Variants in TSKU observed in about 807,000 individuals in gnomAD.
TSKU encodes tsukushi.
TSKU carries 4 observed loss-of-function variants against 11.2 expected under a neutral mutation model. The observed-to-expected ratio is 0.36, with a 90% CI of 0.18 to 0.82. TSKU has a LOEUF of 0.82. Among genes scored for constraint, TSKU ranks in the 40% least tolerant of loss-of-function variants. TSKU has a pLI of 0.50. For missense variants in TSKU, 407 were observed against 482.5 expected (o/e 0.84, Z 1.47); for synonymous variants, 220 against 232.2 (o/e 0.95, Z 0.48).
chr11:76,783,595 C>T (rs184838655), intron 1 of TSKU, among the ~76,000 whole-genome samples, 191 bp downstream of exon 1: 205 of 152,220 alleles, frequency 1.3e-3, no homozygotes, highest in African/African-American at 4.8e-3. Context: ...GAACGCCGAC[C>T]CAGGGGAGAG....
intron 1 of TSKU, chr11:76,784,462 T>TA (rs1283220471): frequency 6.6e-6 from 1 of 152,344 alleles, no homozygotes; most frequent in African/African-American, 2.4e-5. Context: ...GAGCCTCACA[T>TA]ACACAGGTTT....
Position 76,798,030 on chromosome 11 carries a change from C to T in TSKU, c.*1352C>T, listed in dbSNP as rs533724031. ...AGCTGGGCATCAGTGGCCACATGGG[C>T]ATCAGGGGCTGGCCCCACAGAGACC... is the stretch of plus-strand genomic sequence containing the variant. On this transcript the variant is annotated 3_prime_UTR_variant, in exon 2 of 2. Transcript: ENST00000333090. 1.2e-5 allele frequency: 2 copies of T among 167,374 alleles called. No individual in the cohort carries two copies. The highest frequency in any genetic ancestry group is 2.1e-4 in the South Asian group (1 of 4,838). The allele number at this position is 167,374 out of a possible 1,614,324, so 10.4% of individuals were successfully genotyped here.
At chr11:76,790,349 G>A (rs1590818210) in intron 1 of TSKU, among the ~76,000 whole-genome samples, 2 of 152,190 alleles carry the variant, frequency 1.3e-5, no homozygotes, top group South Asian at 4.1e-4. Context: ...GGGGAGGGAA[G>A]TAGTCGGTGA....
At position 76,796,976 on chromosome 11, in the gene TSKU, T is replaced by G; in HGVS notation, c.*298T>G. 4.3e-6 allele frequency: 1 copy of G among 231,366 alleles called. No homozygotes were observed. Among genetic ancestry groups the G allele is most frequent in the Non-Finnish European group, 9.1e-6 (1 of 110,278 alleles). 14.3% of individuals were successfully genotyped at this position (231,366 alleles called of 1,614,324 possible). ...CCACTTATCCCCCAAGTGCCTTCCC[T>G]CATGCCTGGGCCGGCCTGACCCGCA... On this transcript the variant is annotated 3_prime_UTR_variant, in exon 2 of 2. Coordinates refer to ENST00000333090, the MANE Select transcript of TSKU (RefSeq NM_015516.4). The surrounding 1 kb of genome is among the most constrained non-coding windows in gnomAD (Gnocchi z 4.1).
chr11:76,787,730 C>A (rs140156101), intron 1 of TSKU, among the ~76,000 whole-genome samples: 1 of 152,094 alleles, frequency 6.6e-6, no homozygotes, highest in Non-Finnish European at 1.5e-5. Flanking sequence ...GCATCCCTGC[C>A]CACAGTAGGA....
rs764092246 is a variant in TSKU, at chr11:76,796,132, C to T, written c.516C>T (p.Leu172=). The change falls in exon 2 of 2, where the codon CTC becomes CTT. Residue 172 remains leucine, a synonymous_variant. Coordinates refer to ENST00000333090, the MANE Select transcript of TSKU (RefSeq NM_015516.4). The surrounding 1 kb of genome is among the most constrained non-coding windows in gnomAD (Gnocchi z 4.1). ...TCTCCCACAACCTCATTCACCGCCT[C>T]GTGCCCCACCCCACGAGGGCCGGCC... ...VDLSHNLIHR[L]VPHPTRAGLP... 1.1e-5 allele frequency: 18 copies of T among 1,613,828 alleles called. No homozygotes were observed. The highest frequency in any genetic ancestry group is 2.2e-5 in the East Asian group (1 of 44,878).
chr11:76,782,779 G>A (rs1247065737), upstream of TSKU: 2 of 151,932 alleles, frequency 1.3e-5, no homozygotes, highest in African/African-American at 4.8e-5. Flanking sequence ...CTTCTCTGTG[G>A]GTTCGTCTTT....
rs1944463690 is a variant in TSKU, at chr11:76,797,038, C to T, written c.*360C>T. 1 of 202,884 alleles carries T rather than the reference C, an allele frequency of 4.9e-6. No individual in the cohort carries two copies. The highest frequency in any genetic ancestry group is 1.1e-5 in the Non-Finnish European group (1 of 92,196). 12.6% of individuals were successfully genotyped at this position (202,884 alleles called of 1,614,324 possible). ...GTGGGTGGGACCCCCTGCTGCAGGG[C>T]AGAGTTCAGGTCCACTGGGCTGAGT... On this transcript the variant is annotated 3_prime_UTR_variant, in exon 2 of 2. Transcript: ENST00000333090.
intron 1 of TSKU, among the ~76,000 whole-genome samples, chr11:76,784,705 C>T (rs1231708988): frequency 7.7e-6 from 1 of 129,550 alleles, no homozygotes; most frequent in Admixed American, 9.6e-5. Flanking sequence ...CCCTGCCCTT[C>T]GGATAAGTCT....
chr11:76,788,239 T>G (rs1944330884), intron 1 of TSKU, among the ~76,000 whole-genome samples: 1 of 151,552 alleles, frequency 6.6e-6, no homozygotes, highest in Non-Finnish European at 1.5e-5. Context: ...TCGGGGGTGC[T>G]GGGGCCCTGT....
In TSKU at chr11:76,797,168, C is replaced by G. The variant is rs80231946; in HGVS notation, c.*490C>G. 10,280 of 167,894 alleles carry G rather than the reference C, an allele frequency of 0.061. 546 individuals are homozygous for G. Among genetic ancestry groups the G allele is most frequent in the African/African-American group, 0.16 (6,507 of 41,556 alleles). 10.4% of individuals were successfully genotyped at this position (167,894 alleles called of 1,614,324 possible). On this transcript the variant is annotated 3_prime_UTR_variant, in exon 2 of 2. Transcript: ENST00000333090. ...AGGCCCGCTTCATCCTTTTCTATTT[C>G]CCTAGAACCTTAATGGTAGAAGGAA...
At position 76,795,582 on chromosome 11, in the gene TSKU, A is replaced by T. The variant is rs763746417; in HGVS notation, c.-8-27A>T. The T allele has an allele frequency of 3.1e-6, 5 of 1,593,936 alleles. No homozygotes were observed. The South Asian group carries it at 5.6e-5, about 18-fold the overall frequency. On this transcript the variant is annotated intron_variant, in intron 1 of 1. Coordinates refer to ENST00000333090, the MANE Select transcript of TSKU (RefSeq NM_015516.4). ...TGGCTTTAGACCATCTGGTGCATTC[A>T]TTCCTCACCTGTGGCTCTCTTTCTA...
At chr11:76,782,770 T>G (rs1944249679), upstream of TSKU, 1 of 152,160 alleles carries the variant, frequency 6.6e-6, no homozygotes, top group Non-Finnish European at 1.5e-5. Context: ...GGGCTCTCTC[T>G]TCTCTGTGGG....
chr11:76,787,353 T>G (rs1437267758), intron 1 of TSKU, among the ~76,000 whole-genome samples: 1 of 152,182 alleles, frequency 6.6e-6, no homozygotes, highest in African/African-American at 2.4e-5. Flanking sequence ...TCCCTGTAGA[T>G]TATCCTCCTT....
intron 1 of TSKU, among the ~76,000 whole-genome samples, chr11:76,790,272 C>T (rs1944352897): frequency 6.6e-6 from 1 of 152,088 alleles, no homozygotes; most frequent in African/African-American, 2.4e-5. Context: ...TCCTGACCAT[C>T]CTGCAGGACT....
upstream of TSKU, chr11:76,782,528 C>A (rs931923442): frequency 1.1e-4 from 17 of 151,824 alleles, no homozygotes; most frequent in African/African-American, 1.9e-4. Context: ...CTCCTGCAAA[C>A]CCTCATTTTA....
At chr11:76,788,298 G>T (rs897438809) in intron 1 of TSKU, among the ~76,000 whole-genome samples, 1 of 151,994 alleles carries the variant, frequency 6.6e-6, no homozygotes. Context: ...TGTCGAGGGC[G>T]GTGGGGGGAG....
chr11:76,796,548 G>T lies in TSKU; in HGVS notation c.932G>T (p.Gly311Val), dbSNP rs779494547. ...HLPALQSVSV[G>V]QDVRCRRLVR... The stretch of plus-strand genomic sequence containing the variant: ...CCGGCACTGCAGAGCGTCAGCGTGG[G>T]CCAGGATGTGCGGTGCCGGCGCCTG... Residue 311 changes from glycine (G) to valine (V), a missense_variant, in exon 2 of 2, where the codon GGC becomes GTC. Gly to Val is a moderately radical substitution (Grantham distance 109). Transcript: ENST00000333090. The surrounding 1 kb of genome is among the most constrained non-coding windows in gnomAD (Gnocchi z 4.1). The T allele has an allele frequency of 6.3e-7, 1 of 1,599,214 alleles. No homozygotes were observed. The highest frequency in any genetic ancestry group is 8.5e-7 in the Non-Finnish European group (1 of 1,171,854).
At chr11:76,783,817 G>T (rs1944271418) in intron 1 of TSKU, among the ~76,000 whole-genome samples, 1 of 152,118 alleles carries the variant, frequency 6.6e-6, no homozygotes, top group East Asian at 1.9e-4. Flanking sequence ...CGCATCGCGT[G>T]TCTCCGCGTA....
Sources: gnomAD v4.1 joint callset for allele counts (sites outside exome capture counted in the v4.1 genomes callset) on GRCh38, gnomAD v4.1.1 for gene constraint, Gnocchi (gnomAD v3.1) non-coding constraint, MANE v1.5 for transcripts, NCBI Gene and HGNC (gene_info 2026-07-23, HGNC 2026-07-21) for gene names.